The following GRAMD2A variants were observed in gnomAD, a reference collection of about 807,000 sequenced individuals.
GRAMD2A encodes GRAM domain-containing protein 2A.
In GRAMD2A, 37 loss-of-function variants were observed where a neutral mutation model predicts 51.1. That is an observed-to-expected ratio of 0.72 (90% CI 0.56 to 0.95). GRAMD2A has a LOEUF of 0.95. Among genes scored for constraint, GRAMD2A ranks in the 40% least tolerant of loss-of-function variants. The pLI, the probability that GRAMD2A is intolerant of heterozygous loss-of-function variation, is 0.00. For missense variants in GRAMD2A, 414 were observed against 426.9 expected (o/e 0.97, Z 0.27); for synonymous variants, 136 against 157.1 (o/e 0.87, Z 1.01).
In GRAMD2A at chr15:72,197,734, C is replaced by A. The variant is rs1184771601; in HGVS notation, c.38G>T (p.Gly13Val). 7.5e-7 allele frequency: 1 copy of A among 1,340,298 alleles called. No individual in the cohort carries two copies. 83.0% of individuals were successfully genotyped at this position (1,340,298 alleles called of 1,614,324 possible). ...CCCCCGGGCCGCAACCCCTTACCCG[C>A]CCTCCTCGGTGGCCTCGCTCCGGCT... ...ALSRSEATEE[G>V]GNQQMHRKTA... is the part of the protein sequence containing the mutation. Residue 13 changes from glycine (G) to valine (V), a missense_variant, in exon 1 of 12, where the codon GGC becomes GTC. Transcript: ENST00000309731.
chr15:72,191,303 G>A (rs1054004707), intron 1 of GRAMD2A, among the ~76,000 whole-genome samples: 5 of 152,078 alleles, frequency 3.3e-5, no homozygotes, highest in Middle Eastern at 3.4e-3. Flanking sequence ...GAGTTCAAGC[G>A]ATTCTCCTGC....
At chr15:72,197,608 G>T in intron 1 of GRAMD2A, 123 bp downstream of exon 1, 1 of 760,848 alleles carries the variant, frequency 1.3e-6, no homozygotes, top group Non-Finnish European at 1.7e-6. Flanking sequence ...GGAAGTGCCT[G>T]CCCCGTGGGC....
intron 1 of GRAMD2A, among the ~76,000 whole-genome samples, chr15:72,174,660 A>G (rs2081638834): frequency 1.3e-5 from 2 of 152,122 alleles, no homozygotes; most frequent in Admixed American, 1.3e-4. Context: ...GCCCCTCCCT[A>G]GAGGGCACAG....
At chr15:72,184,045 G>T (rs982138868) in intron 1 of GRAMD2A, among the ~76,000 whole-genome samples, 3 of 152,190 alleles carry the variant, frequency 2.0e-5, no homozygotes, top group African/African-American at 7.2e-5. Context: ...CCTCCCTCGC[G>T]GGAAAAGACC....
At chr15:72,193,200 C>A (rs934306250) in intron 1 of GRAMD2A, among the ~76,000 whole-genome samples, 1 of 151,792 alleles carries the variant, frequency 6.6e-6, no homozygotes, top group African/African-American at 2.4e-5. Flanking sequence ...TATTAAAACA[C>A]GCCTCCAGTC....
chr15:72,181,078 G>A (rs1298297951), intron 1 of GRAMD2A, among the ~76,000 whole-genome samples: 4 of 152,182 alleles, frequency 2.6e-5, no homozygotes, highest in Non-Finnish European at 5.9e-5. Context: ...CACTGTAGAG[G>A]GGTTGCCATA....
chr15:72,167,307 T>G (rs1425289247), intron 5 of GRAMD2A, among the ~76,000 whole-genome samples: 2 of 152,186 alleles, frequency 1.3e-5, no homozygotes, highest in Admixed American at 6.5e-5. Flanking sequence ...GTGTCACTCT[T>G]GGCTGTCACA....
chr15:72,164,351 A>G (rs1292518903), intron 8 of GRAMD2A, among the ~76,000 whole-genome samples: 2 of 151,972 alleles, frequency 1.3e-5, no homozygotes, highest in Non-Finnish European at 1.5e-5. Flanking sequence ...CAAATCTAAA[A>G]TAAGTCTGTC....
At chr15:72,173,824 G>A (rs2081631717) in intron 1 of GRAMD2A, 1 of 151,742 alleles carries the variant, frequency 6.6e-6, no homozygotes, top group Non-Finnish European at 1.5e-5. Flanking sequence ...AGCTACTCAA[G>A]GGGCTGAGGC....
rs765908873 is a variant in GRAMD2A at position 72,162,348 on chromosome 15, T to G, written c.986A>C (p.Tyr329Ser). ...TAGCCGAGAAATACGGAACGCCAGGTAGGATGAGGACATGACCAGGAAGCA... is the reference window on the plus strand; with the variant it reads ...TAGCCGAGAAATACGGAACGCCAGGGAGGATGAGGACATGACCAGGAAGCA... ...LICFLVMSSS[Y>S]LAFRISRLEQ... Residue 329 changes from tyrosine (Y) to serine (S), a missense_variant, in exon 11 of 12, where the codon TAC (tyrosine) becomes TCC (serine). By Grantham distance (144) the Tyr-to-Ser change is moderately radical. Transcript: ENST00000309731. 3 of 1,613,806 alleles carry G rather than the reference T, an allele frequency of 1.9e-6. No homozygotes were observed. The South Asian group carries it at 3.3e-5, about 18-fold the overall frequency.
At chr15:72,194,659 C>A (rs138845850) in intron 1 of GRAMD2A, among the ~76,000 whole-genome samples, 2 of 151,742 alleles carry the variant, frequency 1.3e-5, no homozygotes. Context: ...TATCTGATTC[C>A]AAACTCATAT....
intron 1 of GRAMD2A, among the ~76,000 whole-genome samples, chr15:72,185,312 G>A (rs2081727864): frequency 6.6e-6 from 1 of 151,118 alleles, no homozygotes; most frequent in African/African-American, 2.4e-5. Context: ...TCCTGCCTCA[G>A]CCTCCTGAGT....
chr15:72,183,861 T>C (rs899735012), intron 1 of GRAMD2A, among the ~76,000 whole-genome samples: 2 of 152,114 alleles, frequency 1.3e-5, no homozygotes, highest in Admixed American at 1.3e-4. Context: ...CAGGACAACT[T>C]TGGTGCAGTA....
chr15:72,188,038 TATA>T (rs1435311354), intron 1 of GRAMD2A, among the ~76,000 whole-genome samples: 1 of 152,160 alleles, frequency 6.6e-6, no homozygotes, highest in Non-Finnish European at 1.5e-5. Flanking sequence ...AATTACAATG[TATA>T]ATAAGAATGC....
At chr15:72,190,839 C>G (rs922943140) in intron 1 of GRAMD2A, among the ~76,000 whole-genome samples, 5 of 152,152 alleles carry the variant, frequency 3.3e-5, no homozygotes, top group Admixed American at 6.5e-5. Flanking sequence ...AAATACTCCT[C>G]TAATTAAGCA....
chr15:72,169,447 C>T (rs2081585293), intron 2 of GRAMD2A: 1 of 515,182 alleles, frequency 1.9e-6, no homozygotes, highest in Non-Finnish European at 3.7e-6. Context: ...GGCCATGATG[C>T]CAGCAGGACT....
rs139333686 is a variant in GRAMD2A, at chr15:72,166,447, G to A, written c.543+185C>T. On this transcript the variant is annotated intron_variant, in intron 7 of 11. Coordinates refer to ENST00000309731, the MANE Select transcript of GRAMD2A (RefSeq NM_001012642.3). The surrounding 1 kb of genome is among the most constrained non-coding windows in gnomAD (Gnocchi z 4.1). ...AGGGGCTCACTGGCCTCAAAGACAT[G>A]CTTGCAAGCATAGACACACAATCCA... Among the ~76,000 whole-genome samples, 6 of 152,312 alleles carry A rather than the reference G, an allele frequency of 3.9e-5. No homozygotes were observed. The East Asian group carries it at 9.7e-4, about 25-fold the overall frequency.
At chr15:72,194,163 A>C (rs1234899983) in intron 1 of GRAMD2A, among the ~76,000 whole-genome samples, 1 of 152,246 alleles carries the variant, frequency 6.6e-6, no homozygotes, top group East Asian at 1.9e-4. Context: ...AGTGAAACTC[A>C]CACTTGCATC....
chr15:72,193,766 T>A (rs1567092871), intron 1 of GRAMD2A, among the ~76,000 whole-genome samples: 1 of 152,008 alleles, frequency 6.6e-6, no homozygotes. Context: ...GACCTCGTGA[T>A]CCGCCCGCCT....
Sources: gnomAD v4.1 joint callset for allele counts (sites outside exome capture counted in the v4.1 genomes callset) on GRCh38, gnomAD v4.1.1 for gene constraint, Gnocchi (gnomAD v3.1) non-coding constraint, MANE v1.5 for transcripts, NCBI Gene and HGNC (gene_info 2026-07-23, HGNC 2026-07-21) for gene names.